The following LRRC27 variants were observed in gnomAD, a reference collection of about 807,000 sequenced individuals.
LRRC27 encodes the protein leucine-rich repeat-containing protein 27.
LRRC27 carries 57 observed loss-of-function variants against 55.0 expected under a neutral mutation model. The observed-to-expected ratio is 1.04, with a 90% CI of 0.84 to 1.29. The LOEUF (loss-of-function observed/expected upper bound fraction) is 1.29, where lower values mean the gene tolerates loss of function less well. LRRC27 is among the 50% of genes most tolerant of loss of function. The probability of loss-of-function intolerance (pLI) is 0.00; values close to 1 mark genes in which losing one functional copy is unlikely to be tolerated. For synonymous variants in LRRC27, 278 were observed against 251.9 expected, an observed-to-expected ratio of 1.10 and a Z score of -0.98; for missense variants, 721 against 651.5, an observed-to-expected ratio of 1.11 and a Z score of -1.16.
intron 2 of LRRC27, among the ~76,000 whole-genome samples, chr10:132,334,513 T>G (rs2067022787): frequency 6.6e-6 from 1 of 152,226 alleles, no homozygotes; most frequent in South Asian, 2.1e-4. Flanking sequence ...AGTGCTGGAA[T>G]TACAGGTGTA....
intron 1 of LRRC27, chr10:132,332,559 C>A (rs757841550): frequency 6.6e-6 from 1 of 152,224 alleles, no homozygotes; most frequent in Non-Finnish European, 1.5e-5. Flanking sequence ...TGTTGTTTCA[C>A]TTCTGGTTTT....
intron 8 of LRRC27, among the ~76,000 whole-genome samples, chr10:132,359,009 GAGC>G (rs775824443): frequency 1.5e-4 from 8 of 51,738 alleles, no homozygotes; most frequent in African/African-American, 2.4e-4. Context: ...CGAGGTGGTG[GAGC>G]AGCGTGGGGA....
chr10:132,355,071 C>A (rs1434610099), intron 7 of LRRC27, among the ~76,000 whole-genome samples: 1 of 152,146 alleles, frequency 6.6e-6, no homozygotes, highest in East Asian at 1.9e-4. Context: ...GACGCCTGTT[C>A]TTGTCTTGTT....
chr10:132,369,036 G>T (rs572003216), intron 10 of LRRC27, among the ~76,000 whole-genome samples: 11 of 152,332 alleles, frequency 7.2e-5, no homozygotes, highest in African/African-American at 2.6e-4. Context: ...TGGCAGATCA[G>T]CATGTGAAAA....
In LRRC27 at chr10:132,380,457, C is replaced by T. The variant is rs779339505; in HGVS notation, c.*5215C>T. Among the ~76,000 whole-genome samples the T allele has an allele frequency of 6.6e-6, 1 of 152,122 alleles. No individual in the cohort carries two copies. Among genetic ancestry groups the T allele is most frequent in the African/African-American group, 2.4e-5 (1 of 41,418 alleles). On this transcript the variant is annotated 3_prime_UTR_variant, in exon 11 of 11. Coordinates refer to ENST00000368614, the MANE Select transcript of LRRC27 (RefSeq NM_030626.3). ...ACATCGTGTGGTGCTAATCTCTGCA[C>T]GAGCGGTTCATGTCTTCAGTACATT...
chr10:132,331,657 A>C (rs759933218), upstream of LRRC27: 1 of 1,612,816 alleles, frequency 6.2e-7, no homozygotes, highest in East Asian at 2.2e-5. Context: ...GTGCCTCAGC[A>C]GCAATTCTTT....
At chr10:132,361,879 C>G (rs992070972) in intron 9 of LRRC27, among the ~76,000 whole-genome samples, 2 of 151,610 alleles carry the variant, frequency 1.3e-5, no homozygotes, top group Non-Finnish European at 2.9e-5. Flanking sequence ...AGGGGAGACG[C>G]GATCCGAGAT....
chr10:132,346,689 G>C (rs1323563734), intron 5 of LRRC27, among the ~76,000 whole-genome samples: 1 of 151,942 alleles, frequency 6.6e-6, no homozygotes, highest in African/African-American at 2.4e-5. Context: ...ATAAATAAAA[G>C]TCTTTTTGCT....
chr10:132,341,761 G>A (rs1472944204), intron 3 of LRRC27, among the ~76,000 whole-genome samples: 1 of 152,208 alleles, frequency 6.6e-6, no homozygotes, highest in Non-Finnish European at 1.5e-5. Context: ...ATAAAACACT[G>A]GGATTCCTCA....
At chr10:132,356,157 G>A (rs966305991) in intron 8 of LRRC27, among the ~76,000 whole-genome samples, 1 of 152,230 alleles carries the variant, frequency 6.6e-6, no homozygotes, top group South Asian at 2.1e-4. Context: ...AGCCTTGAGG[G>A]CTTGCCTCTT....
chr10:132,354,728 G>T (rs905284363), intron 7 of LRRC27, among the ~76,000 whole-genome samples: 1 of 152,250 alleles, frequency 6.6e-6, no homozygotes, highest in African/African-American at 2.4e-5. Context: ...CGCAAGGAAG[G>T]AGAGCAGAGG....
intron 3 of LRRC27, among the ~76,000 whole-genome samples, chr10:132,340,514 A>C (rs2067361329): frequency 6.6e-6 from 1 of 152,140 alleles, no homozygotes; most frequent in Non-Finnish European, 1.5e-5. Context: ...GCCTCTGTTC[A>C]CCTTATAGAG....
intron 9 of LRRC27, among the ~76,000 whole-genome samples, chr10:132,364,590 ACTCAGGCAGTCCGCGTCCACG>A (rs2068912784): frequency 6.5e-5 from 1 of 15,450 alleles, no homozygotes; most frequent in Non-Finnish European, 1.3e-4. Flanking sequence ...GGGGCCCCAC[ACTCAGGCAGTCCGCGTCCACG>A]CTTACATCTA....
At chr10:132,346,414 C>T (rs1168408748) in intron 5 of LRRC27, among the ~76,000 whole-genome samples, 1 of 152,178 alleles carries the variant, frequency 6.6e-6, no homozygotes, top group African/African-American at 2.4e-5. Flanking sequence ...TGGTGGCTCA[C>T]GCCTGTGATC....
chr10:132,356,041 G>GGGGGTGT (rs1441027064), intron 8 of LRRC27, among the ~76,000 whole-genome samples, 155 bp downstream of exon 8: 6 of 152,148 alleles, frequency 3.9e-5, no homozygotes, highest in Admixed American at 6.5e-5. Context: ...GCTGAGACTT[G>GGGGGTGT]GGGAGGAAGC....
In LRRC27 at chr10:132,356,993, C is replaced by T. The variant is rs544799084; in HGVS notation, c.1170+1107C>T. 3.2e-4 allele frequency among the ~76,000 whole-genome samples: 49 copies of T among 152,386 alleles called. 1 individual carries two copies. In the East Asian group the frequency reaches 7.1e-3, roughly 22 times the overall value. Reference sequence around the variant, plus strand: ...AAGGGCTTCACCCTACAGCAGAGAGCGTGGCCACGTGGGCCTGCAGGCGTG... The same window carrying T: ...AAGGGCTTCACCCTACAGCAGAGAGTGTGGCCACGTGGGCCTGCAGGCGTG... On this transcript the variant is annotated intron_variant, in intron 8 of 10. Transcript: ENST00000368614.
chr10:132,336,852 TTAA>T lies in LRRC27; in HGVS notation c.211-711_211-709del, dbSNP rs1162657490. The T allele has an allele frequency of 6.8e-6, 5 of 739,060 alleles. No homozygotes were observed. In the African/African-American group the frequency reaches 8.9e-5, roughly 13 times the overall value. 45.8% of individuals were successfully genotyped at this position (739,060 alleles called of 1,614,324 possible). A position where few individuals can be genotyped will look rare whatever the true frequency, so the allele number is the denominator to read the frequency against. On this transcript the variant is annotated intron_variant, in intron 2 of 10. Coordinates refer to ENST00000368614, the MANE Select transcript of LRRC27 (RefSeq NM_030626.3). ...ATGTGAGTATAAACAACTAGCAGCATTAATGACAGTATTGTAAAAATTAGCTAT... is the reference window on the plus strand; with the variant it reads ...ATGTGAGTATAAACAACTAGCAGCATTGACAGTATTGTAAAAATTAGCTAT...
rs1163528311 is a variant in LRRC27, at chr10:132,351,591, C to T, written c.927-16C>T. The T allele has an allele frequency of 2.5e-6, 4 of 1,608,510 alleles. No individual in the cohort carries two copies. The highest frequency in any genetic ancestry group is 3.4e-6 in the Non-Finnish European group (4 of 1,177,734). On this transcript the variant is annotated splice_polypyrimidine_tract_variant and intron_variant, in intron 6 of 10. Transcript: ENST00000368614. ...GTTTTGTTAAACATTCAGCTAAAAACACTCTGTAATTTTAGAAGGAAGACA... is the reference window on the plus strand; with the variant it reads ...GTTTTGTTAAACATTCAGCTAAAAATACTCTGTAATTTTAGAAGGAAGACA...
rs568705039 is a variant in LRRC27, at chr10:132,336,676, A to G, written c.211-889A>G. ...CTCACAGATGAGGACACTGGAGCAC[A>G]GAGAGGTTCAGGAACTTGCTCAAGG... On this transcript the variant is annotated intron_variant, in intron 2 of 10. Coordinates refer to ENST00000368614, the MANE Select transcript of LRRC27 (RefSeq NM_030626.3). 98 of 687,234 alleles carry G rather than the reference A, an allele frequency of 1.4e-4. 3 individuals are homozygous for G. In the South Asian group the frequency reaches 1.6e-3, roughly 11 times the overall value. The allele number at this position is 687,234 out of a possible 1,614,324, so 42.6% of individuals were successfully genotyped here.
Sources: gnomAD v4.1 joint callset for allele counts (sites outside exome capture counted in the v4.1 genomes callset) on GRCh38, gnomAD v4.1.1 for gene constraint, MANE v1.5 for transcripts, NCBI Gene and HGNC (gene_info 2026-07-23, HGNC 2026-07-21) for gene names.